Variants in OTOP2 observed in about 807,000 individuals in gnomAD.
The protein encoded by OTOP2 is otopetrin 2.
A neutral mutation model predicts 47.4 loss-of-function variants in OTOP2; 41 were observed. That is an observed-to-expected ratio of 0.87 (90% confidence interval 0.67 to 1.12). The LOEUF (loss-of-function observed/expected upper bound fraction) is 1.12. Among genes scored for constraint, OTOP2 ranks in the 50% most tolerant of loss-of-function variants. OTOP2 has a pLI of 0.00. For missense variants in OTOP2, 721 were observed against 752.2 expected, an observed-to-expected ratio of 0.96 and a Z score of 0.49; for synonymous variants, 328 against 319.6, an observed-to-expected ratio of 1.03 and a Z score of -0.28.
chr17:74,925,016 T>C (rs1030300466), intron 2 of OTOP2, 71 bp downstream of exon 2: 1 of 1,458,390 alleles, frequency 6.9e-7, no homozygotes, highest in Non-Finnish European at 9.1e-7. Context: ...CTCGCAGGAG[T>C]TGCAGAGTGC....
At position 74,930,710 on chromosome 17, in the gene OTOP2, C is replaced by A; in HGVS notation, c.1075C>A (p.His359Asn). The A allele has an allele frequency of 6.2e-7, 1 of 1,614,090 alleles. No homozygotes were observed. The highest frequency in any genetic ancestry group is 8.5e-7 in the Non-Finnish European group (1 of 1,180,028). ...IYRFDRRAMD[H>N]HKNPTRTLDV... ...CCGTTTTGACCGCCGGGCCATGGACCACCATAAGAACCCCACGCGCACTCT... is the reference window on the plus strand; with the variant it reads ...CCGTTTTGACCGCCGGGCCATGGACAACCATAAGAACCCCACGCGCACTCT... The change falls in exon 6 of 7, where the codon CAC becomes AAC. Residue 359 changes from histidine (H) to asparagine (N), a missense_variant. Transcript: ENST00000331427. The surrounding 1 kb of genome is among the most constrained non-coding windows in gnomAD (Gnocchi z 4.0).
intron 5 of OTOP2, among the ~76,000 whole-genome samples, chr17:74,929,012 T>G (rs2144766674): frequency 6.6e-6 from 1 of 152,292 alleles, no homozygotes; most frequent in South Asian, 2.1e-4. Context: ...GAGAAGTACC[T>G]GTCCCGGGGT....
At chr17:74,927,619 C>T (rs1026470910) in intron 4 of OTOP2, 46 bp from the exon 5 acceptor site, 1 of 1,586,590 alleles carries the variant, frequency 6.3e-7, no homozygotes, top group African/African-American at 1.3e-5. Context: ...CCCCAACCTG[C>T]CAAAGGGTCA....
Position 74,930,582 on chromosome 17 carries a change from G to A in OTOP2, c.947G>A (p.Gly316Glu). 6.2e-7 allele frequency: 1 copy of A among 1,613,976 alleles called. No homozygotes were observed. The highest frequency in any genetic ancestry group is 1.1e-5 in the South Asian group (1 of 91,078). ...VFIIYEVQVS[G>E]DGSRTRQALV... ...ATCATCTACGAGGTTCAAGTGAGCG[G>A]GGACGGGAGCCGCACCAGGCAGGCC... Residue 316 changes from glycine (G) to glutamate (E), a missense_variant, in exon 6 of 7, where the codon GGG becomes GAG. By Grantham distance (98) the Gly-to-Glu change is moderately conservative (BLOSUM62 -2). Transcript: ENST00000331427. The surrounding 1 kb of genome is among the most constrained non-coding windows in gnomAD (Gnocchi z 4.0).
In OTOP2 at chr17:74,930,432, G is replaced by T. The variant is rs1341027881; in HGVS notation, c.797G>T (p.Gly266Val). 1.2e-6 allele frequency: 2 copies of T among 1,614,182 alleles called. No homozygotes were observed. The highest frequency in any genetic ancestry group is 1.1e-5 in the South Asian group (1 of 91,084). Residue 266 changes from glycine to valine, a missense_variant, in exon 6 of 7, where the codon GGT becomes GTT. Gly to Val is a moderately radical substitution (Grantham distance 109, BLOSUM62 -3). Coordinates refer to ENST00000331427, the MANE Select transcript of OTOP2 (RefSeq NM_178160.3). This position sits in a 1 kb window ranked among gnomAD's most constrained non-coding sequence, Gnocchi z 4.0. The part of the protein sequence containing the change: ...TMLYVMWKNV[G>V]RFLASTPGHS... ...CTGTATGTCATGTGGAAGAATGTGG[G>T]TAGATTCCTGGCCTCCACCCCTGGC...
At position 74,933,769 on chromosome 17, in the gene OTOP2, G is replaced by A; in HGVS notation, c.*224G>A. 1 of 475,040 alleles carries A rather than the reference G, an allele frequency of 2.1e-6. No homozygotes were observed. Among genetic ancestry groups the A allele is most frequent in the Non-Finnish European group, 3.7e-6 (1 of 272,530 alleles). 29.4% of individuals were successfully genotyped at this position (475,040 alleles called of 1,614,324 possible). On this transcript the variant is annotated 3_prime_UTR_variant, in exon 7 of 7. Coordinates refer to ENST00000331427, the MANE Select transcript of OTOP2 (RefSeq NM_178160.3). This position sits in a 1 kb window ranked among gnomAD's most constrained non-coding sequence, Gnocchi z 4.7. ...TGACCGTGGGGCATGAGGTGACTGG[G>A]GAAGGGAGACCTCTCCTGGCAGCAT...
chr17:74,925,204 G>A (rs1035827921), intron 2 of OTOP2, among the ~76,000 whole-genome samples: 1 of 152,082 alleles, frequency 6.6e-6, no homozygotes, highest in Non-Finnish European at 1.5e-5. Flanking sequence ...GGCTGAGGGA[G>A]GGCCTTTGAT....
rs2039052861 is a variant in OTOP2 at position 74,930,982 on chromosome 17, C to T, written c.1347C>T (p.Thr449=). 5.6e-6 allele frequency: 9 copies of T among 1,614,172 alleles called. No homozygotes were observed. In the East Asian group the frequency reaches 2.0e-4, roughly 36 times the overall value. ...PKEPCQDLTF[T]NLDALHTLSA... ...AGCCCTGCCAAGACCTCACCTTCAC[C>T]AACCTGGATGCCCTCCACACGTTGT... is the stretch of plus-strand genomic sequence containing the variant. The change falls in exon 6 of 7, where the codon ACC becomes ACT. Residue 449 remains threonine (T), a synonymous_variant. Transcript: ENST00000331427. The surrounding 1 kb of genome is among the most constrained non-coding windows in gnomAD (Gnocchi z 4.0).
Position 74,927,218 on chromosome 17 carries a change from T to C in OTOP2, c.451-5T>C, listed in dbSNP as rs1485777527. ...AATGACTCTCACCAATGTCTCTCCA[T>C]ACAGACCTACTTTCTCTGGGTCTCT... On this transcript the variant is annotated splice_region_variant and splice_polypyrimidine_tract_variant and intron_variant, in intron 3 of 6. Coordinates refer to ENST00000331427, the MANE Select transcript of OTOP2 (RefSeq NM_178160.3). 1 of 1,610,804 alleles carries C rather than the reference T, an allele frequency of 6.2e-7. No individual in the cohort carries two copies. The highest frequency in any genetic ancestry group is 1.1e-5 in the South Asian group (1 of 91,002).
rs146184734 is a variant in OTOP2 at position 74,929,196 on chromosome 17, C to T, written c.644-1083C>T. Among the ~76,000 whole-genome samples the T allele has an allele frequency of 4.0e-3, 608 of 152,142 alleles. 3 individuals carry two copies. Among genetic ancestry groups the T allele is most frequent in the Middle Eastern group, 0.027 (8 of 294 alleles). Reference sequence around the variant, plus strand: ...CTGGAATCAAGTCAAGACTCCTTTCCATGTGGTACAAACAGAAGTAACGGG... The same window carrying T: ...CTGGAATCAAGTCAAGACTCCTTTCTATGTGGTACAAACAGAAGTAACGGG... On this transcript the variant is annotated intron_variant, in intron 5 of 6. Transcript: ENST00000331427.
chr17:74,930,913 C>G lies in OTOP2; in HGVS notation c.1278C>G (p.His426Gln). The change falls in exon 6 of 7, where the codon CAC (histidine) becomes CAG (glutamine). Residue 426 changes from histidine to glutamine, a missense_variant. Physicochemically the swap from His to Gln is conservative, Grantham distance 24 (BLOSUM62 0). Transcript: ENST00000331427. The surrounding 1 kb of genome is among the most constrained non-coding windows in gnomAD (Gnocchi z 4.0). ...ACATGTTTATCATCGAGAGCCTTCA[C>G]CGAGGACCGCCCGGGGCTGAGCCTC... is the stretch of plus-strand genomic sequence containing the variant. The part of the protein sequence containing the change: ...FQNMFIIESL[H>Q]RGPPGAEPHS... 6.2e-7 allele frequency: 1 copy of G among 1,614,066 alleles called. No individual in the cohort carries two copies. The highest frequency in any genetic ancestry group is 8.5e-7 in the Non-Finnish European group (1 of 1,180,010).
chr17:74,933,669 T>A lies in OTOP2; in HGVS notation c.*124T>A. 1 of 1,185,728 alleles carries A rather than the reference T, an allele frequency of 8.4e-7. No individual in the cohort carries two copies. Among genetic ancestry groups the A allele is most frequent in the Non-Finnish European group, 1.1e-6 (1 of 879,062 alleles). 73.5% of individuals were successfully genotyped at this position (1,185,728 alleles called of 1,614,324 possible). A position where few individuals can be genotyped will look rare whatever the true frequency, so the allele number is the denominator to read the frequency against. On this transcript the variant is annotated 3_prime_UTR_variant, in exon 7 of 7. Coordinates refer to ENST00000331427, the MANE Select transcript of OTOP2 (RefSeq NM_178160.3). The surrounding 1 kb of genome is among the most constrained non-coding windows in gnomAD (Gnocchi z 4.7). ...AGCCCATTTCCTTCTGGTCCCAGAG[T>A]GGAATTTTCACAAAAGTTATTTTTC...
Position 74,930,787 on chromosome 17 carries a change from C to A in OTOP2, c.1152C>A (p.Tyr384Ter), listed in dbSNP as rs1205598061. The A allele has an allele frequency of 6.2e-7, 1 of 1,614,162 alleles. No homozygotes were observed. Among genetic ancestry groups the A allele is most frequent in the Admixed American group, 1.7e-5 (1 of 60,022 alleles). Residue 384 changes from tyrosine (Y) to a stop codon, truncating the protein, a stop_gained, in exon 6 of 7, where the codon TAC (tyrosine) becomes TAA (stop). Transcript: ENST00000331427. LOFTEE classifies it high-confidence loss of function. The surrounding 1 kb of genome is among the most constrained non-coding windows in gnomAD (Gnocchi z 4.0). Reference sequence around the variant, plus strand: ...CCCTGGGTCAGTACGCCATCTCTTACTACTCCATCGTGGCTGTGGTGGCGG... The same window carrying A: ...CCCTGGGTCAGTACGCCATCTCTTAATACTCCATCGTGGCTGTGGTGGCGG... ...GAALGQYAIS[Y>*]YSIVAVVAGT...
intron 5 of OTOP2, among the ~76,000 whole-genome samples, chr17:74,929,625 C>T (rs767173068): frequency 1.3e-5 from 2 of 152,054 alleles, no homozygotes; most frequent in African/African-American, 4.8e-5. Flanking sequence ...AGGATTTCAC[C>T]GTGTTGGCCA....
intron 2 of OTOP2, 129 bp from the exon 3 acceptor site, chr17:74,925,427 A>G: frequency 8.2e-7 from 1 of 1,215,548 alleles, no homozygotes; most frequent in Non-Finnish European, 1.2e-6. Context: ...GATCCATCCA[A>G]CAGTGCACTC....
intron 4 of OTOP2, 52 bp from the exon 5 acceptor site, chr17:74,927,613 A>C (rs1410706348): frequency 2.5e-6 from 4 of 1,581,274 alleles, no homozygotes; most frequent in East Asian, 4.5e-5. Flanking sequence ...ATTGCTCCCC[A>C]ACCTGCCAAA....
chr17:74,930,383 T>A lies in OTOP2; in HGVS notation c.748T>A (p.Tyr250Asn), dbSNP rs771028439. The change falls in exon 6 of 7, where the codon TAC (tyrosine) becomes AAC (asparagine). Residue 250 changes from tyrosine (Y) to asparagine (N), a missense_variant. By Grantham distance (143) the Tyr-to-Asn change is moderately radical. Transcript: ENST00000331427. This position sits in a 1 kb window ranked among gnomAD's most constrained non-coding sequence, Gnocchi z 4.0. ...CTACCTATATCCCTTCAACATCGAGTACAGCCTCTTCGCCTCCACCATGCT... is the reference window on the plus strand; with the variant it reads ...CTACCTATATCCCTTCAACATCGAGAACAGCCTCTTCGCCTCCACCATGCT... ...YFYLYPFNIE[Y>N]SLFASTMLYV... is the part of the protein sequence containing the mutation. 30 of 1,614,120 alleles carry A rather than the reference T, an allele frequency of 1.9e-5. No homozygotes were observed. Among genetic ancestry groups the A allele is most frequent in the Admixed American group, 1.5e-4 (9 of 60,018 alleles).
chr17:74,925,691 A>T lies in OTOP2; in HGVS notation c.449A>T (p.Gln150Leu). Residue 150 changes from glutamine to leucine, a missense_variant and splice_region_variant, in exon 3 of 7, where the codon CAG (glutamine) becomes CTG (leucine). Physicochemically the swap from Gln to Leu is moderately radical, Grantham distance 113. Coordinates refer to ENST00000331427, the MANE Select transcript of OTOP2 (RefSeq NM_178160.3). The part of the protein sequence containing the change: ...PLIQAVFVII[Q>L]TYFLWVSAKD... Reference sequence around the variant, plus strand: ...ATCCAGGCTGTGTTTGTCATCATCCAGGTGGGTGGAGGAGTGTCGCTGTGT... The same window carrying T: ...ATCCAGGCTGTGTTTGTCATCATCCTGGTGGGTGGAGGAGTGTCGCTGTGT... The T allele has an allele frequency of 6.2e-7, 1 of 1,614,136 alleles. No homozygotes were observed. The highest frequency in any genetic ancestry group is 8.5e-7 in the Non-Finnish European group (1 of 1,179,998).
At chr17:74,929,822 T>C (rs1324579560) in intron 5 of OTOP2, among the ~76,000 whole-genome samples, 1 of 152,158 alleles carries the variant, frequency 6.6e-6, no homozygotes, top group Non-Finnish European at 1.5e-5. Context: ...CCACGCCCTG[T>C]AAAGGCATGA....
Sources: allele counts gnomAD v4.1 joint callset (sites outside exome capture counted in the v4.1 genomes callset), GRCh38; gene constraint gnomAD v4.1.1; non-coding constraint Gnocchi (gnomAD v3.1); transcripts MANE v1.5; gene names NCBI Gene and HGNC (gene_info 2026-07-23, HGNC 2026-07-21).